CHFR: variants seen among roughly 807,000 people sequenced by gnomAD.
The protein encoded by CHFR is E3 ubiquitin-protein ligase CHFR.
A neutral mutation model predicts 87.6 loss-of-function variants in CHFR; 57 were observed. That is an observed-to-expected ratio of 0.65 (90% CI 0.53 to 0.81). The LOEUF (loss-of-function observed/expected upper bound fraction) is 0.81, where lower values mean the gene tolerates loss of function less well. Among genes scored for constraint, CHFR ranks in the 30% least tolerant of loss-of-function variants. The pLI, the probability that CHFR is intolerant of heterozygous loss-of-function variation, is 0.00. For missense variants in CHFR, 797 were observed against 865.8 expected (o/e 0.92, Z 1.00); for synonymous variants, 381 against 359.2 (o/e 1.06, Z -0.69).
chr12:132,875,686 G>T (rs935615174), intron 3 of CHFR, among the ~76,000 whole-genome samples: 3 of 152,164 alleles, frequency 2.0e-5, no homozygotes, highest in African/African-American at 7.2e-5. Context: ...TCCCTTCCGA[G>T]AAATCATCCC....
Position 132,851,748 on chromosome 12 carries a change from C to T in CHFR, c.1373-11G>A, listed in dbSNP as rs376948686. ...CGTAATCCTGGACTGCTGAAGCACA[C>T]GCACATTCAGCCGGAGCACGTGGGA... On this transcript the variant is annotated splice_polypyrimidine_tract_variant and intron_variant, in intron 11 of 17. Coordinates refer to ENST00000450056, the MANE Select transcript of CHFR (RefSeq NM_001161346.2). 29 of 1,606,336 alleles carry T rather than the reference C, an allele frequency of 1.8e-5. No homozygotes were observed. The African/African-American group carries it at 3.2e-4, about 18-fold the overall frequency.
chr12:132,838,905 C>G lies in CHFR; in HGVS notation c.*2649G>C, dbSNP rs1041915475. ...CTCCATAAAACACGGCTCCTTACCA[C>G]GCTGGGAGGATAACTGCCCTGCTCC... On this transcript the variant is annotated 3_prime_UTR_variant, in exon 18 of 18. Coordinates refer to ENST00000450056, the MANE Select transcript of CHFR (RefSeq NM_001161346.2). The G allele has an allele frequency of 6.6e-6, 1 of 152,576 alleles. No homozygotes were observed. Among genetic ancestry groups the G allele is most frequent in the Non-Finnish European group, 1.5e-5 (1 of 68,236 alleles). The allele number at this position is 152,576 out of a possible 1,614,324, so 9.5% of individuals were successfully genotyped here.
intron 6 of CHFR, among the ~76,000 whole-genome samples, chr12:132,863,188 G>A (rs140943466): frequency 0.21 from 29,940 of 142,962 alleles, 3,308 homozygotes; most frequent in African/African-American, 0.27. Flanking sequence ...GAGCCACCGC[G>A]CCCGGCCTGA....
At chr12:132,843,483 T>C (rs1248768488) in intron 16 of CHFR, among the ~76,000 whole-genome samples, 1 of 152,050 alleles carries the variant, frequency 6.6e-6, no homozygotes, top group Non-Finnish European at 1.5e-5. Flanking sequence ...GAAATAAAAT[T>C]ACCCCAGTTG....
intron 6 of CHFR, chr12:132,866,510 C>T (rs935150584): frequency 2.6e-5 from 4 of 151,974 alleles, no homozygotes; most frequent in African/African-American, 9.7e-5. Context: ...CCAAATGTTA[C>T]AACACACTGG....
intron 2 of CHFR, among the ~76,000 whole-genome samples, chr12:132,879,681 C>T (rs1310767275): frequency 6.6e-6 from 1 of 152,084 alleles, no homozygotes; most frequent in East Asian, 1.9e-4. Context: ...GAGCCACCAG[C>T]GCCCGGCCCT....
rs1171847444 is a variant in CHFR, at chr12:132,839,153, T to C, written c.*2401A>G. The C allele has an allele frequency of 1.3e-5, 2 of 152,600 alleles. No homozygotes were observed. Among genetic ancestry groups the C allele is most frequent in the Non-Finnish European group, 1.5e-5 (1 of 68,364 alleles). 9.5% of individuals were successfully genotyped at this position (152,600 alleles called of 1,614,324 possible). On this transcript the variant is annotated 3_prime_UTR_variant, in exon 18 of 18. Coordinates refer to ENST00000450056, the MANE Select transcript of CHFR (RefSeq NM_001161346.2). The stretch of plus-strand genomic sequence containing the variant: ...AGACCAGCATCCTCTACAGGGCAAG[T>C]GTTCTTGTTTCTACTTTTTGGAGAT...
In CHFR at chr12:132,857,510, T is replaced by A; in HGVS notation, c.961A>T (p.Met321Leu). The change falls in exon 9 of 18, where the codon ATG (methionine) becomes TTG (leucine). Residue 321 changes from methionine to leucine, a missense_variant. Physicochemically the swap from Met to Leu is conservative, Grantham distance 15. Around this residue, in one of 2 missense-constraint regions of CHFR, gnomAD observed 597 missense variants for 601.2 expected, o/e 0.99. Transcript: ENST00000450056. ...GTAGGACACAGGGACGAGCGCTCCATCCAGCCCGAGTAGCAAGCCGCGCAG... is the reference window on the plus strand; with the variant it reads ...GTAGGACACAGGGACGAGCGCTCCAACCAGCCCGAGTAGCAAGCCGCGCAG... ...TFCAACYSGW[M>L]ERSSLCPTCR... The A allele has an allele frequency of 6.2e-7, 1 of 1,614,164 alleles. No individual in the cohort carries two copies. Among genetic ancestry groups the A allele is most frequent in the Non-Finnish European group, 8.5e-7 (1 of 1,180,030 alleles).
chr12:132,841,165 T>G lies in CHFR; in HGVS notation c.*389A>C, dbSNP rs549889950. 1 of 187,340 alleles carries G rather than the reference T, an allele frequency of 5.3e-6. No individual in the cohort carries two copies. Among genetic ancestry groups the G allele is most frequent in the African/African-American group, 2.4e-5 (1 of 42,406 alleles). 11.6% of individuals were successfully genotyped at this position (187,340 alleles called of 1,614,324 possible). A position where few individuals can be genotyped will look rare whatever the true frequency, so the allele number is the denominator to read the frequency against. On this transcript the variant is annotated 3_prime_UTR_variant, in exon 18 of 18. Coordinates refer to ENST00000450056, the MANE Select transcript of CHFR (RefSeq NM_001161346.2). ...ATGCTCCCTTCTCCTGAAACAATGT[T>G]TTTGATAAACTTGCCCTTCTCCCTT...
chr12:132,884,590 G>A (rs1299461067), intron 2 of CHFR, among the ~76,000 whole-genome samples: 2 of 152,102 alleles, frequency 1.3e-5, no homozygotes, highest in Non-Finnish European at 2.9e-5. Flanking sequence ...GCTGATAAAT[G>A]TTAAATGAGG....
rs886083507 is a variant in CHFR, at chr12:132,835,007, A to G, written c.*6547T>C. On this transcript the variant is annotated 3_prime_UTR_variant, in exon 18 of 18. Coordinates refer to ENST00000450056, the MANE Select transcript of CHFR (RefSeq NM_001161346.2). The stretch of plus-strand genomic sequence containing the variant: ...GCTGGGAGTACAGGCGTGAGCCACC[A>G]CGCCCGGCCTCTTGCTTCCCTCTTA... 6.6e-6 allele frequency: 1 copy of G among 152,140 alleles called. No individual in the cohort carries two copies. The highest frequency in any genetic ancestry group is 1.5e-5 in the Non-Finnish European group (1 of 68,086). The allele number at this position is 152,140 out of a possible 1,614,324, so 9.4% of individuals were successfully genotyped here. A position where few individuals can be genotyped will look rare whatever the true frequency, so the allele number is the denominator to read the frequency against.
intron 17 of CHFR, among the ~76,000 whole-genome samples, chr12:132,842,487 A>C (rs575952982): frequency 7.2e-4 from 109 of 152,312 alleles, no homozygotes; most frequent in African/African-American, 2.6e-3. Context: ...CCATCACTTT[A>C]ATCTGAACTC....
chr12:132,877,557 G>T lies in CHFR; in HGVS notation c.231C>A (p.Thr77=), dbSNP rs764905392. 1.9e-6 allele frequency: 3 copies of T among 1,595,286 alleles called. No homozygotes were observed. Among genetic ancestry groups the T allele is most frequent in the Non-Finnish European group, 2.6e-6 (3 of 1,165,232 alleles). ...AAAGAAGCTCAGAACATACTCACCT[G>T]GTATCTTCCAGTGTCACCTGACCTG... ...EKSGQVTLED[T]STSGTVINKL... is the part of the protein sequence containing the mutation. Residue 77 remains threonine (T), a splice_region_variant and synonymous_variant, in exon 3 of 18, where the codon ACC becomes ACA. Transcript: ENST00000450056.
At chr12:132,865,356 T>C (rs748253107) in intron 6 of CHFR, among the ~76,000 whole-genome samples, 1 of 151,982 alleles carries the variant, frequency 6.6e-6, no homozygotes, top group Non-Finnish European at 1.5e-5. Context: ...AAATCTGGCA[T>C]GTTTTCTTTT....
intron 11 of CHFR, among the ~76,000 whole-genome samples, chr12:132,852,479 C>T (rs1028397547): frequency 5.3e-5 from 8 of 152,134 alleles, no homozygotes; most frequent in African/African-American, 1.7e-4. Context: ...CCCACACAGC[C>T]AAGTTCCCTG....
intron 2 of CHFR, among the ~76,000 whole-genome samples, chr12:132,881,638 C>A (rs779469230): frequency 6.6e-6 from 1 of 152,078 alleles, no homozygotes; most frequent in Non-Finnish European, 1.5e-5. Context: ...GAGGCCGAGG[C>A]GGGCGGATCA....
chr12:132,862,306 G>A, intron 6 of CHFR: 1 of 276,750 alleles, frequency 3.6e-6, no homozygotes, highest in Non-Finnish European at 7.1e-6. Context: ...AAAAATAGAG[G>A]TCTGAGGCTG....
intron 12 of CHFR, among the ~76,000 whole-genome samples, chr12:132,850,634 T>C (rs1468561928): frequency 1.3e-5 from 2 of 152,070 alleles, no homozygotes; most frequent in African/African-American, 4.8e-5. Context: ...AGTCTCAGGG[T>C]ACAGACCCCA....
At chr12:132,842,178 C>T (rs1301473950) in intron 17 of CHFR, among the ~76,000 whole-genome samples, 1 of 151,736 alleles carries the variant, frequency 6.6e-6, no homozygotes, top group Non-Finnish European at 1.5e-5. Context: ...ATAAAAGCTG[C>T]ACCTCCTCAG....
Sources: gnomAD v4.1 joint callset for allele counts (sites outside exome capture counted in the v4.1 genomes callset) on GRCh38, gnomAD v4.1.1 for gene constraint, gnomAD v4.1.1 regional missense constraint, MANE v1.5 for transcripts, NCBI Gene and HGNC (gene_info 2026-07-23, HGNC 2026-07-21) for gene names.